NAALADL2: variants seen among roughly 807,000 people sequenced by gnomAD.
NAALADL2 encodes the protein N-acetylated alpha-linked acidic dipeptidase like 2.
Under a neutral mutation model 87.2 loss-of-function variants are expected in NAALADL2, and 76 were observed. The ratio of observed to expected loss-of-function variants is 0.87; its 90% confidence interval spans 0.72 to 1.05. The LOEUF is 1.05. Among genes scored for constraint, NAALADL2 ranks in the 50% least tolerant of loss-of-function variants. The pLI, the probability that NAALADL2 is intolerant of heterozygous loss-of-function variation, is 0.00. For missense variants in NAALADL2, 1,089 were observed against 945.8 expected (o/e 1.15, Z -1.99); for synonymous variants, 354 against 331.0 (o/e 1.07, Z -0.75).
At chr3:175,322,697 C>G (rs1760067602) in intron 4 of NAALADL2, among the ~76,000 whole-genome samples, 1 of 146,428 alleles carries the variant, frequency 6.8e-6, no homozygotes, top group Non-Finnish European at 1.5e-5. Flanking sequence ...AGACACTTCT[C>G]AAAAGAAGAC....
chr3:174,782,786 C>T (rs1231305636), intron 3 of NAALADL2, among the ~76,000 whole-genome samples: 1 of 152,056 alleles, frequency 6.6e-6, no homozygotes, highest in African/African-American at 2.4e-5. Context: ...ATAAAAGCAT[C>T]AGATCTTGTG....
At chr3:175,736,920 C>A (rs1168429801) in intron 11 of NAALADL2, among the ~76,000 whole-genome samples, 1 of 152,124 alleles carries the variant, frequency 6.6e-6, no homozygotes, top group African/African-American at 2.4e-5. Context: ...TTTCCTTAGT[C>A]CAATAACCAG....
chr3:174,984,394 T>A (rs779226455), intron 1 of NAALADL2, among the ~76,000 whole-genome samples: 6 of 152,120 alleles, frequency 3.9e-5, no homozygotes, highest in Non-Finnish European at 5.9e-5. Context: ...ACATTTGGAC[T>A]GATTCATGAA....
At chr3:174,612,104 G>A (rs1092186) in intron 2 of NAALADL2, among the ~76,000 whole-genome samples, 151,225 of 152,244 alleles carry the variant, frequency 0.99, 75,110 homozygotes, top group Middle Eastern at 1. Context: ...AGCACTTTAA[G>A]TATGTATTGC....
chr3:175,400,424 C>T (rs1211634530), intron 5 of NAALADL2, among the ~76,000 whole-genome samples: 1 of 152,100 alleles, frequency 6.6e-6, no homozygotes. Context: ...CCATGTTTGT[C>T]TGTGTCCTTC....
intron 10 of NAALADL2, among the ~76,000 whole-genome samples, chr3:175,625,969 C>A (rs548526889): frequency 5.3e-5 from 8 of 151,948 alleles, no homozygotes; most frequent in Admixed American, 1.3e-4. Flanking sequence ...TTGCTACTAA[C>A]CCTATGTGAC....
intron 1 of NAALADL2, among the ~76,000 whole-genome samples, chr3:174,972,320 T>C (rs1743794193): frequency 6.6e-6 from 1 of 152,200 alleles, no homozygotes; most frequent in South Asian, 2.1e-4. Context: ...AATGCTGCCA[T>C]AACAAAAACC....
intron 2 of NAALADL2, among the ~76,000 whole-genome samples, chr3:174,621,175 C>T (rs935165557): frequency 6.6e-6 from 1 of 152,078 alleles, no homozygotes; most frequent in African/African-American, 2.4e-5. Context: ...TTGCCGCAAG[C>T]TTCTCTAGTA....
chr3:175,335,043 A>G (rs1761837037), intron 5 of NAALADL2, among the ~76,000 whole-genome samples: 1 of 152,082 alleles, frequency 6.6e-6, no homozygotes, highest in Admixed American at 6.5e-5. Flanking sequence ...TGCTGACAGA[A>G]CTCACAGCAG....
intron 13 of NAALADL2, among the ~76,000 whole-genome samples, chr3:175,764,730 G>T (rs531043026): frequency 6.6e-6 from 1 of 152,028 alleles, no homozygotes; most frequent in Non-Finnish European, 1.5e-5. Flanking sequence ...GAAATGAGAC[G>T]GAACTATTAA....
At chr3:175,769,766 G>A (rs1749235394) in intron 13 of NAALADL2, among the ~76,000 whole-genome samples, 1 of 152,014 alleles carries the variant, frequency 6.6e-6, no homozygotes, top group African/African-American at 2.4e-5. Flanking sequence ...GTGTGTGTCT[G>A]TGTGTAATTT....
In NAALADL2 at chr3:174,907,441, T is replaced by G. The variant is rs183034805; in HGVS notation, c.43+47991T>G. 2.3e-4 allele frequency among the ~76,000 whole-genome samples: 35 copies of G among 152,238 alleles called. No individual in the cohort carries two copies. In the East Asian group the frequency reaches 5.2e-3, roughly 23 times the overall value. ...GATGGGTGATATGTAGCCCAGGTCT[T>G]GAACATTTTCATGTATAAATTCCAA... On this transcript the variant is annotated intron_variant, in intron 1 of 13. Coordinates refer to ENST00000454872, the MANE Select transcript of NAALADL2 (RefSeq NM_207015.3).
chr3:175,032,749 A>G (rs1451416290), intron 1 of NAALADL2, among the ~76,000 whole-genome samples: 1 of 152,048 alleles, frequency 6.6e-6, no homozygotes, highest in Middle Eastern at 3.4e-3. Flanking sequence ...CTAATTCCAT[A>G]TTTTTCTCCA....
At chr3:175,154,264 G>T (rs939468729) in intron 2 of NAALADL2, among the ~76,000 whole-genome samples, 1 of 152,054 alleles carries the variant, frequency 6.6e-6, no homozygotes, top group African/African-American at 2.4e-5. Context: ...CATTTCTGTT[G>T]CATTATCCTA....
chr3:174,575,841 G>C (rs1178077010), intron 2 of NAALADL2, among the ~76,000 whole-genome samples: 1 of 152,028 alleles, frequency 6.6e-6, no homozygotes, highest in African/African-American at 2.4e-5. Flanking sequence ...ACTGAGCCAG[G>C]CATTGAGTAT....
At chr3:175,133,291 A>G (rs527956721) in intron 2 of NAALADL2, among the ~76,000 whole-genome samples, 137 of 152,190 alleles carry the variant, frequency 9.0e-4, no homozygotes, top group African/African-American at 3.2e-3. Context: ...GCGGCCAGGC[A>G]GAGATGCTCC....
At chr3:174,866,950 G>C (rs138530670) in intron 1 of NAALADL2, among the ~76,000 whole-genome samples, 117 of 151,286 alleles carry the variant, frequency 7.7e-4, no homozygotes, top group Middle Eastern at 3.4e-3. Context: ...TTCTTTTCTA[G>C]ATTAGAAAAC....
In NAALADL2 at chr3:175,050,323, C is replaced by T. The variant is rs182089418; in HGVS notation, c.44-46467C>T. ...TGTTGCCCAGGCTGGAGTGCAGTGGCGTGATCTCAGCTCACTGCAGCCTCT... is the reference window on the plus strand; with the variant it reads ...TGTTGCCCAGGCTGGAGTGCAGTGGTGTGATCTCAGCTCACTGCAGCCTCT... On this transcript the variant is annotated intron_variant, in intron 1 of 13. Transcript: ENST00000454872. 2.6e-5 allele frequency among the ~76,000 whole-genome samples: 4 copies of T among 151,172 alleles called. No individual in the cohort carries two copies. The East Asian group carries it at 7.8e-4, about 29-fold the overall frequency.
Position 175,049,402 on chromosome 3 carries a change from C to T in NAALADL2, c.44-47388C>T, listed in dbSNP as rs1393474848. 3.3e-5 allele frequency among the ~76,000 whole-genome samples: 5 copies of T among 152,166 alleles called. No individual in the cohort carries two copies. The East Asian group carries it at 9.7e-4, about 29-fold the overall frequency. On this transcript the variant is annotated intron_variant, in intron 1 of 13. Transcript: ENST00000454872. ...TAACTGAAACCAGGGAAAGTAAAACCAGAGATAAGGAAGAGTTTTTGTAAC... is the reference window on the plus strand; with the variant it reads ...TAACTGAAACCAGGGAAAGTAAAACTAGAGATAAGGAAGAGTTTTTGTAAC...
Sources: allele counts gnomAD v4.1 joint callset (sites outside exome capture counted in the v4.1 genomes callset), GRCh38; gene constraint gnomAD v4.1.1; transcripts MANE v1.5; gene names NCBI Gene and HGNC (gene_info 2026-07-23, HGNC 2026-07-21).